TRDN: variants seen among roughly 807,000 people sequenced by gnomAD.
The protein encoded by TRDN is triadin in skeletal muscle.
TRDN carries 161 observed loss-of-function variants against 149.7 expected under a neutral mutation model. The ratio of observed to expected loss-of-function variants is 1.08; its 90% CI spans 0.95 to 1.23. The LOEUF (loss-of-function observed/expected upper bound fraction) is 1.23. Among genes scored for constraint, TRDN ranks in the 50% most tolerant of loss-of-function variants. TRDN has a pLI of 0.00. For missense variants in TRDN, 896 were observed against 823.5 expected, an observed-to-expected ratio of 1.09 and a Z score of -1.08; for synonymous variants, 294 against 250.5, an observed-to-expected ratio of 1.17 and a Z score of -1.64.
Position 123,273,022 on chromosome 6 carries a change from T to G in TRDN, c.1625-11A>C. On this transcript the variant is annotated splice_polypyrimidine_tract_variant and intron_variant, in intron 28 of 40. Coordinates refer to ENST00000334268, the MANE Select transcript of TRDN (RefSeq NM_006073.4). ...TCACTATGTCTTGTTCTGAAAATAA[T>G]AAAAAGAAAATCTTTTTTAGGTATT... 2.0e-6 allele frequency: 3 copies of G among 1,484,728 alleles called. No individual in the cohort carries two copies. Among genetic ancestry groups the G allele is most frequent in the Non-Finnish European group, 1.8e-6 (2 of 1,116,972 alleles). The allele number at this position is 1,484,728 out of a possible 1,614,324, so 92.0% of individuals were successfully genotyped here. A position where few individuals can be genotyped will look rare whatever the true frequency, so the allele number is the denominator to read the frequency against.
chr6:123,584,449 G>A (rs928191535), intron 1 of TRDN, among the ~76,000 whole-genome samples: 5 of 151,638 alleles, frequency 3.3e-5, no homozygotes, highest in East Asian at 2.0e-4. Context: ...TACAGGGTGC[G>A]GTCCTGGCTC....
intron 23 of TRDN, among the ~76,000 whole-genome samples, chr6:123,324,705 T>C (rs1779378289): frequency 6.6e-6 from 1 of 152,192 alleles, no homozygotes; most frequent in Non-Finnish European, 1.5e-5. Flanking sequence ...CACATGTTGC[T>C]GTATATTAAC....
intron 1 of TRDN, among the ~76,000 whole-genome samples, chr6:123,605,610 AAAAT>A (rs74893861): frequency 1.3e-5 from 2 of 151,614 alleles, no homozygotes; most frequent in South Asian, 2.1e-4. Flanking sequence ...AAAAAAAAAA[AAAAT>A]ATTAGCCAAG....
chr6:123,368,600 C>T (rs2114367703), intron 19 of TRDN, among the ~76,000 whole-genome samples: 1 of 152,234 alleles, frequency 6.6e-6, no homozygotes, highest in South Asian at 2.1e-4. Flanking sequence ...ATACACAACT[C>T]ATACAATTAC....
chr6:123,352,035 C>G, intron 21 of TRDN: 1 of 977,982 alleles, frequency 1.0e-6, no homozygotes, highest in Non-Finnish European at 1.2e-6. Flanking sequence ...TTTCAGACCT[C>G]TTGGGAGAAT....
In TRDN at chr6:123,349,582, A is replaced by G. The variant is rs531376058; in HGVS notation, c.1369+2957T>C. 4 of 886,856 alleles carry G rather than the reference A, an allele frequency of 4.5e-6. No homozygotes were observed. In the Admixed American group the frequency reaches 2.5e-4, roughly 55 times the overall value. The allele number at this position is 886,856 out of a possible 1,614,324, so 54.9% of individuals were successfully genotyped here. A position where few individuals can be genotyped will look rare whatever the true frequency, so the allele number is the denominator to read the frequency against. ...ACATATTAAGCAAATAATTAAATAC[A>G]ATTGTGTTAACTAAATCTTCTGTTT... On this transcript the variant is annotated intron_variant, in intron 21 of 40. Transcript: ENST00000334268.
chr6:123,446,991 A>T (rs527926572), intron 10 of TRDN, among the ~76,000 whole-genome samples: 32 of 152,284 alleles, frequency 2.1e-4, no homozygotes, highest in Non-Finnish European at 4.1e-4. Context: ...ACATGGTAAG[A>T]GTACCTCCCT....
chr6:123,488,022 C>A (rs554187341), intron 9 of TRDN, among the ~76,000 whole-genome samples: 1 of 152,192 alleles, frequency 6.6e-6, no homozygotes, highest in South Asian at 2.1e-4. Flanking sequence ...TTGCTCCAGT[C>A]AGGGATCACC....
At chr6:123,546,463 G>T (rs1469551037) in intron 4 of TRDN, among the ~76,000 whole-genome samples, 2 of 152,042 alleles carry the variant, frequency 1.3e-5, no homozygotes, top group Non-Finnish European at 2.9e-5. Flanking sequence ...TCCACAGTAG[G>T]TATTAGGAGA....
At chr6:123,636,708 A>G (rs759706082) in intron 1 of TRDN, 46 bp downstream of exon 1, 1 of 1,607,328 alleles carries the variant, frequency 6.2e-7, no homozygotes, top group East Asian at 2.2e-5. Flanking sequence ...GTCGATTTGC[A>G]TATTTTTTTT....
chr6:123,567,579 G>T (rs971278450), intron 2 of TRDN, among the ~76,000 whole-genome samples: 1 of 152,092 alleles, frequency 6.6e-6, no homozygotes, highest in East Asian at 1.9e-4. Flanking sequence ...TTGAAGGGAA[G>T]GGGTAGCAGG....
At chr6:123,402,521 G>A (rs891646) in intron 12 of TRDN, among the ~76,000 whole-genome samples, 108,695 of 152,120 alleles carry the variant, frequency 0.71, 38,991 homozygotes, top group East Asian at 0.85. Context: ...AAATGTTAAA[G>A]TTTGTTTAAA....
At chr6:123,411,644 C>T (rs1320383341) in intron 12 of TRDN, 1 of 152,256 alleles carries the variant, frequency 6.6e-6, no homozygotes, top group Non-Finnish European at 1.5e-5. Context: ...CAAAGATACC[C>T]AATACTTAAT....
intron 2 of TRDN, 56 bp from the exon 3 acceptor site, chr6:123,548,668 C>T (rs1358642206): frequency 7.9e-7 from 1 of 1,268,442 alleles, no homozygotes; most frequent in Admixed American, 4.0e-5. Context: ...TTCCAAATAA[C>T]TTAAGAAAAG....
chr6:123,340,876 C>T (rs1780040487), intron 21 of TRDN, among the ~76,000 whole-genome samples: 1 of 151,964 alleles, frequency 6.6e-6, no homozygotes. Context: ...TGTCTCACAA[C>T]ATCTTGTGGT....
chr6:123,255,842 A>G (rs1410784174), intron 36 of TRDN, 25 bp downstream of exon 36: 35 of 1,323,456 alleles, frequency 2.6e-5, no homozygotes, highest in Non-Finnish European at 3.5e-5. Flanking sequence ...TTTGCATTCT[A>G]TTTTTTATTC....
intron 24 of TRDN, among the ~76,000 whole-genome samples, chr6:123,314,839 T>C (rs1428539298): frequency 6.6e-6 from 1 of 151,654 alleles, no homozygotes; most frequent in Non-Finnish European, 1.5e-5. Context: ...CTGGGGCCAA[T>C]TGGAGGGTGG....
At chr6:123,581,757 C>G (rs1234847641) in intron 1 of TRDN, among the ~76,000 whole-genome samples, 1 of 152,240 alleles carries the variant, frequency 6.6e-6, no homozygotes, top group Admixed American at 6.5e-5. Flanking sequence ...GGAGGAAAGA[C>G]TAATGTTTTA....
At chr6:123,356,770 T>C (rs1780700767) in intron 20 of TRDN, among the ~76,000 whole-genome samples, 1 of 150,802 alleles carries the variant, frequency 6.6e-6, no homozygotes. Flanking sequence ...ATTAAAATGT[T>C]TTAGTTTATT....
Sources: allele counts gnomAD v4.1 joint callset (sites outside exome capture counted in the v4.1 genomes callset), GRCh38; gene constraint gnomAD v4.1.1; transcripts MANE v1.5; gene names NCBI Gene and HGNC (gene_info 2026-07-23, HGNC 2026-07-21).